EPM2A: variants seen among roughly 807,000 people sequenced by gnomAD.
The protein encoded by EPM2A is laforin.
In EPM2A, 21 loss-of-function variants were observed where a neutral mutation model predicts 26.5. The observed-to-expected ratio is 0.79, with a 90% CI of 0.56 to 1.14. The LOEUF is 1.14. EPM2A is among the 50% of genes most tolerant of loss of function. The probability of loss-of-function intolerance (pLI) is 0.00; values close to 1 mark genes in which losing one functional copy is unlikely to be tolerated. For missense variants in EPM2A, 458 were observed against 440.8 expected, an observed-to-expected ratio of 1.04 and a Z score of -0.35; for synonymous variants, 217 against 177.6, an observed-to-expected ratio of 1.22 and a Z score of -1.76.
At chr6:145,396,758 A>G (rs1445729842) in intron 4 of EPM2A, among the ~76,000 whole-genome samples, 1 of 152,224 alleles carries the variant, frequency 6.6e-6, no homozygotes, top group African/African-American at 2.4e-5. Context: ...CCATGGATGT[A>G]AATATGTTCT....
chr6:145,405,244 A>C (rs1396902310), intron 4 of EPM2A, among the ~76,000 whole-genome samples: 1 of 152,158 alleles, frequency 6.6e-6, no homozygotes. Context: ...CCAGAAATGC[A>C]ATTTTTATAT....
At chr6:145,671,606 T>G (rs1779646841) in intron 2 of EPM2A, among the ~76,000 whole-genome samples, 1 of 152,182 alleles carries the variant, frequency 6.6e-6, no homozygotes, top group South Asian at 2.1e-4. Flanking sequence ...CTAGAACTGT[T>G]ACAGGATTGT....
intron 4 of EPM2A, chr6:145,492,043 T>C (rs928441375): frequency 3.2e-6 from 1 of 316,648 alleles, no homozygotes; most frequent in South Asian, 2.9e-5. Context: ...GATCATCTGA[T>C]GATGTTCAGG....
chr6:145,489,397 A>G (rs1021145823), intron 4 of EPM2A, among the ~76,000 whole-genome samples: 11 of 152,176 alleles, frequency 7.2e-5, no homozygotes, highest in African/African-American at 2.7e-4. Flanking sequence ...AATATAATCC[A>G]CTTAAGTTTC....
chr6:145,695,099 T>C (rs1022078501), intron 1 of EPM2A, among the ~76,000 whole-genome samples: 15 of 152,022 alleles, frequency 9.9e-5, no homozygotes, highest in Non-Finnish European at 1.5e-4. Flanking sequence ...ACTGTGGCTT[T>C]GATAAATTGT....
chr6:145,439,170 C>A (rs976149210), intron 4 of EPM2A, among the ~76,000 whole-genome samples: 14 of 152,138 alleles, frequency 9.2e-5, no homozygotes, highest in African/African-American at 3.1e-4. Context: ...GCATAGTATT[C>A]CATGGTGTAT....
downstream of EPM2A, among the ~76,000 whole-genome samples, chr6:145,622,604 G>A (rs1775660496): frequency 6.6e-6 from 1 of 152,176 alleles, no homozygotes; most frequent in Non-Finnish European, 1.5e-5. Flanking sequence ...CCCATACTGG[G>A]AGAATACCAT....
intron 4 of EPM2A, among the ~76,000 whole-genome samples, chr6:145,387,203 G>A (rs893878265): frequency 3.9e-5 from 6 of 152,108 alleles, no homozygotes; most frequent in Non-Finnish European, 7.4e-5. Flanking sequence ...TCTGTTTGCA[G>A]GATTATATTA....
intron 2 of EPM2A, among the ~76,000 whole-genome samples, chr6:145,605,443 C>T (rs1775222621): frequency 6.6e-6 from 1 of 152,130 alleles, no homozygotes; most frequent in Non-Finnish European, 1.5e-5. Flanking sequence ...CAACAGTGTA[C>T]TTCCAAGCTT....
At chr6:145,438,238 A>G (rs913667776) in intron 4 of EPM2A, among the ~76,000 whole-genome samples, 19 of 152,142 alleles carry the variant, frequency 1.2e-4, no homozygotes, top group African/African-American at 4.1e-4. Flanking sequence ...AAGAGAACGG[A>G]AATAGAATAA....
At chr6:145,458,603 T>C (rs1779291553) in intron 4 of EPM2A, among the ~76,000 whole-genome samples, 1 of 152,272 alleles carries the variant, frequency 6.6e-6, no homozygotes, top group East Asian at 1.9e-4. Flanking sequence ...AGGGGATAGA[T>C]ACATTGTGAG....
chr6:145,599,092 A>AT (rs1781384451), intron 2 of EPM2A, among the ~76,000 whole-genome samples: 1 of 151,954 alleles, frequency 6.6e-6, no homozygotes, highest in Non-Finnish European at 1.5e-5. Context: ...TATTCGGGCT[A>AT]TTTTTCCAGT....
chr6:145,543,049 A>G (rs1582839153), intron 2 of EPM2A, among the ~76,000 whole-genome samples: 1 of 152,170 alleles, frequency 6.6e-6, no homozygotes, highest in African/African-American at 2.4e-5. Flanking sequence ...TACAGGTGTG[A>G]GCCACTGCAC....
intron 2 of EPM2A, among the ~76,000 whole-genome samples, chr6:145,602,008 CTT>C (rs1373122927): frequency 1.3e-5 from 2 of 152,046 alleles, no homozygotes; most frequent in Non-Finnish European, 2.9e-5. Context: ...AATTAAATGA[CTT>C]CTTGTCATAC....
At chr6:145,557,976 T>C (rs1780752825) in intron 2 of EPM2A, among the ~76,000 whole-genome samples, 1 of 152,130 alleles carries the variant, frequency 6.6e-6, no homozygotes, top group Non-Finnish European at 1.5e-5. Context: ...TCTATTTTTA[T>C]GAGTTCAATG....
At chr6:145,628,797 G>C (rs1356603793) in intron 3 of EPM2A, 3 of 152,222 alleles carry the variant, frequency 2.0e-5, no homozygotes, top group African/African-American at 7.2e-5. Context: ...GGGATCTGCC[G>C]TGAGGCCCAG....
chr6:145,507,658 G>A (rs1039435238), intron 2 of EPM2A, among the ~76,000 whole-genome samples: 1 of 152,232 alleles, frequency 6.6e-6, no homozygotes, highest in Non-Finnish European at 1.5e-5. Flanking sequence ...AGTAGCCACA[G>A]CAGGCATTTA....
intron 2 of EPM2A, among the ~76,000 whole-genome samples, chr6:145,516,465 C>T (rs1405582726): frequency 3.3e-5 from 5 of 152,042 alleles, no homozygotes; most frequent in Non-Finnish European, 5.9e-5. Flanking sequence ...GGCCAGAAAA[C>T]AATACTGGTG....
Position 145,415,912 on chromosome 6 carries a change from G to T in EPM2A, c.556-31815C>A, listed in dbSNP as rs569624564. On this transcript the variant is annotated intron_variant, in intron 4 of 4. Coordinates refer to the EPM2A transcript ENST00000638717. ...CCCCAATTGCAAAGCCATTGATTTGGTTTCCATTCTTGCTCTCCATCCTCT... is the reference window on the plus strand; with the variant it reads ...CCCCAATTGCAAAGCCATTGATTTGTTTTCCATTCTTGCTCTCCATCCTCT... 7.2e-5 allele frequency among the ~76,000 whole-genome samples: 11 copies of T among 152,214 alleles called. No individual in the cohort carries two copies. The East Asian group carries it at 1.7e-3, about 24-fold the overall frequency.
Sources: allele counts gnomAD v4.1 joint callset (sites outside exome capture counted in the v4.1 genomes callset), GRCh38; gene constraint gnomAD v4.1.1; transcripts MANE v1.5; gene names NCBI Gene and HGNC (gene_info 2026-07-23, HGNC 2026-07-21).